Variants in TRPC3 observed in about 807,000 individuals in gnomAD.
TRPC3 encodes the protein short transient receptor potential channel 3.
In TRPC3, 54 loss-of-function variants were observed where a neutral mutation model predicts 90.9. The ratio of observed to expected loss-of-function variants is 0.59; its 90% CI spans 0.48 to 0.75. The LOEUF is 0.75. Ranked by LOEUF, TRPC3 falls within the 30% of genes least tolerant of loss-of-function variation. The probability of loss-of-function intolerance (pLI) is 0.00; values close to 1 mark genes in which losing one functional copy is unlikely to be tolerated. For synonymous variants in TRPC3, 424 were observed against 450.9 expected (o/e 0.94, Z 0.75); for missense variants, 918 against 1,194.5 (o/e 0.77, Z 3.41).
chr4:121,936,983 G>A (rs1403819541), intron 1 of TRPC3, among the ~76,000 whole-genome samples: 1 of 152,154 alleles, frequency 6.6e-6, no homozygotes, highest in East Asian at 1.9e-4. Flanking sequence ...TTAAGCAGAT[G>A]AAAGGCTCTT....
intron 10 of TRPC3, among the ~76,000 whole-genome samples, chr4:121,897,152 A>G (rs536762282): frequency 1.6e-4 from 25 of 152,120 alleles, no homozygotes; most frequent in Non-Finnish European, 2.9e-4. Flanking sequence ...AAAATGGACC[A>G]AAGACCTAAA....
At chr4:121,889,889 A>G (rs538498486) in intron 10 of TRPC3, among the ~76,000 whole-genome samples, 6 of 152,348 alleles carry the variant, frequency 3.9e-5, no homozygotes, top group Non-Finnish European at 8.8e-5. Flanking sequence ...AGCACTATTC[A>G]CAACAGCCAA....
In TRPC3 at chr4:121,951,814, G is replaced by A; in HGVS notation, c.-134C>T. 1 of 639,554 alleles carries A rather than the reference G, an allele frequency of 1.6e-6. No homozygotes were observed. The allele number at this position is 639,554 out of a possible 1,614,324, so 39.6% of individuals were successfully genotyped here. ...GGCCCCGGGCGGCCCAGGGCGGGAA[G>A]GCAGGAGCGGAGAGCGTCGCGGCCC... On this transcript the variant is annotated 5_prime_UTR_variant, in exon 1 of 12. Coordinates refer to ENST00000379645, the MANE Select transcript of TRPC3 (RefSeq NM_001130698.2). The surrounding 1 kb of genome is among the most constrained non-coding windows in gnomAD (Gnocchi z 4.4).
intron 9 of TRPC3, among the ~76,000 whole-genome samples, 174 bp from the exon 10 acceptor site, chr4:121,899,869 G>A (rs1435492652): frequency 6.6e-6 from 1 of 152,114 alleles, no homozygotes; most frequent in African/African-American, 2.4e-5. Context: ...AAATTACTGT[G>A]AGCAATATGC....
At chr4:121,886,600 C>T (rs1405575463) in intron 10 of TRPC3, among the ~76,000 whole-genome samples, 1 of 152,104 alleles carries the variant, frequency 6.6e-6, no homozygotes, top group African/African-American at 2.4e-5. Context: ...GTTTTGAAGC[C>T]AAAATAACTA....
chr4:121,949,488 AG>A (rs1167464453), intron 1 of TRPC3, among the ~76,000 whole-genome samples: 1 of 152,106 alleles, frequency 6.6e-6, no homozygotes, highest in Non-Finnish European at 1.5e-5. Context: ...AGTCCATCCT[AG>A]GGCTGTCGTG....
chr4:121,926,411 CTTT>C (rs71599161), intron 2 of TRPC3, among the ~76,000 whole-genome samples: 11 of 144,634 alleles, frequency 7.6e-5, no homozygotes, highest in Admixed American at 1.4e-4. Context: ...TTTTTGTTTT[CTTT>C]TTTTTTTTTT....
At position 121,951,573 on chromosome 4, in the gene TRPC3, G is replaced by A; in HGVS notation, c.108C>T (p.Arg36=). 1.4e-6 allele frequency: 2 copies of A among 1,447,888 alleles called. No individual in the cohort carries two copies. Among genetic ancestry groups the A allele is most frequent in the Non-Finnish European group, 1.8e-6 (2 of 1,096,388 alleles). The allele number at this position is 1,447,888 out of a possible 1,614,324, so 89.7% of individuals were successfully genotyped here. A position where few individuals can be genotyped will look rare whatever the true frequency, so the allele number is the denominator to read the frequency against. The stretch of plus-strand genomic sequence containing the variant: ...CGTTGACGCCCCTCCAGCCCCGGCG[G>A]CGGCGCTGCGGCTCCGCGCCCTCGT... The part of the protein sequence containing the change: ...GEDEGAEPQR[R]RRGWRGVNGG... The change falls in exon 1 of 12, where the codon CGC becomes CGT. Residue 36 remains arginine, a synonymous_variant. Transcript: ENST00000379645. This position sits in a 1 kb window ranked among gnomAD's most constrained non-coding sequence, Gnocchi z 4.4.
At chr4:121,947,332 T>C (rs1462952410) in intron 1 of TRPC3, among the ~76,000 whole-genome samples, 2 of 152,114 alleles carry the variant, frequency 1.3e-5, no homozygotes, top group African/African-American at 2.4e-5. Flanking sequence ...TCCAGACTCA[T>C]GTCCCTAAGA....
chr4:121,904,275 A>G (rs1470374414), intron 8 of TRPC3, 47 bp downstream of exon 8: 7 of 1,532,994 alleles, frequency 4.6e-6, no homozygotes, highest in Non-Finnish European at 6.2e-6. Flanking sequence ...GTGTACTATC[A>G]GAATAGGATG....
chr4:121,915,089 ATAT>A (rs1211826194), intron 3 of TRPC3, 145 bp from the exon 4 acceptor site: 6 of 651,926 alleles, frequency 9.2e-6, no homozygotes, highest in Non-Finnish European at 1.1e-5. Context: ...GGTTCTGGTA[ATAT>A]TCTTCTTAGC....
intron 3 of TRPC3, among the ~76,000 whole-genome samples, chr4:121,916,905 G>A (rs1277099146): frequency 6.6e-6 from 1 of 151,900 alleles, no homozygotes. Flanking sequence ...AGTAGAGACG[G>A]GGTTTCTCCA....
intron 1 of TRPC3, among the ~76,000 whole-genome samples, chr4:121,937,454 T>G (rs1730167880): frequency 1.3e-5 from 2 of 152,212 alleles, no homozygotes; most frequent in African/African-American, 4.8e-5. Flanking sequence ...TATTAACTAT[T>G]TAAAATTTGG....
intron 9 of TRPC3, among the ~76,000 whole-genome samples, chr4:121,900,639 G>A (rs1049821890): frequency 6.6e-6 from 1 of 152,082 alleles, no homozygotes; most frequent in Admixed American, 6.5e-5. Flanking sequence ...GATTTCTTGA[G>A]GTTCCTTCCT....
intron 5 of TRPC3, 66 bp from the exon 6 acceptor site, chr4:121,910,453 G>A (rs1013867931): frequency 5.4e-5 from 70 of 1,300,578 alleles, no homozygotes; most frequent in Non-Finnish European, 6.4e-5. Context: ...CCATTATTGT[G>A]TCCACCATCA....
chr4:121,899,022 CA>C (rs1167576622), intron 10 of TRPC3, among the ~76,000 whole-genome samples: 10 of 152,116 alleles, frequency 6.6e-5, no homozygotes, highest in Non-Finnish European at 1.5e-4. Flanking sequence ...AACTTATACA[CA>C]TTAGAAAGTC....
intron 10 of TRPC3, among the ~76,000 whole-genome samples, chr4:121,898,787 T>C (rs1352610421): frequency 6.6e-6 from 1 of 152,084 alleles, no homozygotes; most frequent in African/African-American, 2.4e-5. Context: ...AATGAGTAAG[T>C]ATAATTATTT....
At chr4:121,901,055 C>T (rs897721366) in intron 9 of TRPC3, among the ~76,000 whole-genome samples, 3 of 152,146 alleles carry the variant, frequency 2.0e-5, no homozygotes, top group South Asian at 2.1e-4. Flanking sequence ...CTCAACCTGA[C>T]GTTTAGTATT....
chr4:121,950,822 A>G (rs972931773), intron 1 of TRPC3: 5 of 152,344 alleles, frequency 3.3e-5, no homozygotes, highest in African/African-American at 1.2e-4. Context: ...AGGGGACCCT[A>G]TAGGGCTTCG....
Sources: gnomAD v4.1 joint callset for allele counts (sites outside exome capture counted in the v4.1 genomes callset) on GRCh38, gnomAD v4.1.1 for gene constraint, Gnocchi (gnomAD v3.1) non-coding constraint, MANE v1.5 for transcripts, NCBI Gene and HGNC (gene_info 2026-07-23, HGNC 2026-07-21) for gene names.